CHRNA1: variants seen among roughly 807,000 people sequenced by gnomAD.
CHRNA1 encodes cholinergic receptor nicotinic alpha 1 subunit.
CHRNA1 carries 35 observed loss-of-function variants against 47.1 expected under a neutral mutation model. The ratio of observed to expected loss-of-function variants is 0.74; its 90% confidence interval spans 0.57 to 0.99. The LOEUF is 0.99. CHRNA1 is among the 50% of genes least tolerant of loss of function. The pLI is 0.00. For synonymous variants in CHRNA1, 229 were observed against 223.6 expected (o/e 1.02, Z -0.22); for missense variants, 506 against 591.1 (o/e 0.86, Z 1.49).
At chr2:174,750,258 G>C in intron 6 of CHRNA1, 89 bp from the exon 7 acceptor site, 1 of 989,860 alleles carries the variant, frequency 1.0e-6, no homozygotes, top group East Asian at 2.5e-5. Context: ...ATTTATATGT[G>C]GAAGTCCTGA....
intron 1 of CHRNA1, among the ~76,000 whole-genome samples, chr2:174,762,229 GA>G (rs1317924999): frequency 6.6e-6 from 1 of 152,156 alleles, no homozygotes; most frequent in Non-Finnish European, 1.5e-5. Context: ...GCACAGGGTA[GA>G]GTGATAGAAA....
At chr2:174,758,769 A>G (rs999732664) in intron 3 of CHRNA1, among the ~76,000 whole-genome samples, 12 of 152,116 alleles carry the variant, frequency 7.9e-5, no homozygotes, top group Non-Finnish European at 1.5e-4. Flanking sequence ...ACGTGACCTA[A>G]TTTGGAGATA....
intron 5 of CHRNA1, 54 bp from the exon 6 acceptor site, chr2:174,753,794 CA>C: frequency 6.5e-7 from 1 of 1,548,794 alleles, no homozygotes. Context: ...TGATGAGGGG[CA>C]GCGTTTTGTA....
intron 4 of CHRNA1, among the ~76,000 whole-genome samples, 162 bp downstream of exon 4, chr2:174,757,403 AC>A: frequency 6.6e-6 from 1 of 151,514 alleles, no homozygotes; most frequent in East Asian, 1.9e-4. Context: ...CAATCCTCCC[AC>A]CTTGGCCTCC....
intron 5 of CHRNA1, 128 bp from the exon 6 acceptor site, chr2:174,753,868 G>T: frequency 1.1e-6 from 1 of 882,820 alleles, no homozygotes; most frequent in Non-Finnish European, 1.8e-6. Context: ...GGGACTGTGG[G>T]ACACTACTGC....
intron 4 of CHRNA1, among the ~76,000 whole-genome samples, chr2:174,757,140 C>T (rs1683994632): frequency 6.6e-6 from 1 of 152,048 alleles, no homozygotes. Context: ...GCAAGGAATT[C>T]AGCGATAGGA....
At chr2:174,749,841 A>T in intron 7 of CHRNA1, 105 bp downstream of exon 7, 1 of 989,402 alleles carries the variant, frequency 1.0e-6, no homozygotes, top group Non-Finnish European at 1.6e-6. Context: ...AAGAGAACTT[A>T]GTTCCTAAAT....
At chr2:174,750,217 G>T (rs1011597805) in intron 6 of CHRNA1, 48 bp from the exon 7 acceptor site, 3 of 1,488,256 alleles carry the variant, frequency 2.0e-6, no homozygotes, top group Non-Finnish European at 1.9e-6. Flanking sequence ...TACCCATCTG[G>T]GTTGGGCTGC....
chr2:174,753,295 T>G, intron 6 of CHRNA1: 1 of 717,966 alleles, frequency 1.4e-6, no homozygotes. Flanking sequence ...TTCAACTCCC[T>G]GCCGCTCGGG....
At position 174,753,267 on chromosome 2, in the gene CHRNA1, T is replaced by G. The variant is rs967258317; in HGVS notation, c.778+236A>C. Reference sequence around the variant, plus strand: ...ACTTTAACCAGCCTAAGCTACACTGTGCATCTCTAGGGTCATGTTCAACTC... The same window carrying G: ...ACTTTAACCAGCCTAAGCTACACTGGGCATCTCTAGGGTCATGTTCAACTC... On this transcript the variant is annotated intron_variant, in intron 6 of 8. Transcript: ENST00000348749. The G allele has an allele frequency of 4.5e-6, 3 of 666,726 alleles. No homozygotes were observed. In the East Asian group the frequency reaches 8.0e-5, roughly 18 times the overall value. The allele number at this position is 666,726 out of a possible 1,614,324, so 41.3% of individuals were successfully genotyped here. A position where few individuals can be genotyped will look rare whatever the true frequency, so the allele number is the denominator to read the frequency against.
intron 4 of CHRNA1, 26 bp downstream of exon 4, chr2:174,757,540 C>T (rs778314132): frequency 6.3e-7 from 1 of 1,578,588 alleles, no homozygotes; most frequent in South Asian, 1.1e-5. Context: ...CAGGAGCACC[C>T]TCCGCCACCC....
intron 6 of CHRNA1, among the ~76,000 whole-genome samples, chr2:174,751,602 A>G (rs1431676856): frequency 6.6e-6 from 1 of 152,134 alleles, no homozygotes; most frequent in Non-Finnish European, 1.5e-5. Flanking sequence ...TAATGATAAT[A>G]ATAATAGCCA....
intron 3 of CHRNA1, 105 bp from the exon 4 acceptor site, chr2:174,757,780 T>C: frequency 1.8e-6 from 2 of 1,124,404 alleles, no homozygotes; most frequent in Non-Finnish European, 2.7e-6. Flanking sequence ...TGACAGAAAT[T>C]GTGCTTCCAT....
intron 3 of CHRNA1, 112 bp downstream of exon 3, chr2:174,759,219 A>G (rs1684043088): frequency 2.5e-6 from 3 of 1,193,110 alleles, no homozygotes; most frequent in Non-Finnish European, 3.7e-6. Context: ...CAAAATATCT[A>G]CTTTCAACAT....
Position 174,747,924 on chromosome 2 carries a change from C to G in CHRNA1, c.*200G>C, listed in dbSNP as rs1683763032. The G allele has an allele frequency of 3.1e-6, 2 of 637,686 alleles. 1 individual carries two copies. The highest frequency in any genetic ancestry group is 4.8e-5 in the Admixed American group (2 of 41,592). 39.5% of individuals were successfully genotyped at this position (637,686 alleles called of 1,614,324 possible). ...AAAGAGGGTTCACTCTTCAGGGAGA[C>G]AGCAGAACTAAAGGGAGAAGCAATA... On this transcript the variant is annotated 3_prime_UTR_variant, in exon 9 of 9. Coordinates refer to ENST00000348749, the MANE Select transcript of CHRNA1 (RefSeq NM_000079.4).
chr2:174,761,162 G>A (rs990555770), intron 1 of CHRNA1, among the ~76,000 whole-genome samples: 1 of 152,192 alleles, frequency 6.6e-6, no homozygotes, highest in Non-Finnish European at 1.5e-5. Context: ...ATTCCTATGA[G>A]AAAATGTGTT....
At chr2:174,753,404 TCTGC>T in intron 6 of CHRNA1, 95 bp downstream of exon 6, 1 of 1,182,882 alleles carries the variant, frequency 8.5e-7, no homozygotes, top group Non-Finnish European at 1.3e-6. Context: ...TTCGGGTCGA[TCTGC>T]CTGTTTGTTA....
At position 174,750,293 on chromosome 2, in the gene CHRNA1, G is replaced by A. The variant is rs76427148; in HGVS notation, c.779-124C>T. 1,445 of 742,892 alleles carry A rather than the reference G, an allele frequency of 1.9e-3. 20 individuals are homozygous for A. The African/African-American group carries it at 0.023, about 12-fold the overall frequency. 46.0% of individuals were successfully genotyped at this position (742,892 alleles called of 1,614,324 possible). On this transcript the variant is annotated intron_variant, in intron 6 of 8. Transcript: ENST00000348749. ...AGTCCTGGGACCTAAGAATGTGACT[G>A]TATTTGAAGACAGGGACTTTAAGGA...
At chr2:174,758,207 G>A (rs1256320681) in intron 3 of CHRNA1, among the ~76,000 whole-genome samples, 16 of 152,162 alleles carry the variant, frequency 1.1e-4, no homozygotes, top group African/African-American at 2.4e-4. Context: ...TCAGGAGTTC[G>A]AGACCAGCCT....
Sources: allele counts gnomAD v4.1 joint callset (sites outside exome capture counted in the v4.1 genomes callset), GRCh38; gene constraint gnomAD v4.1.1; transcripts MANE v1.5; gene names NCBI Gene and HGNC (gene_info 2026-07-23, HGNC 2026-07-21).